Variants in TERT observed in about 807,000 individuals in gnomAD.
TERT encodes the protein telomerase catalytic subunit.
Under a neutral mutation model 104.0 loss-of-function variants are expected in TERT, and 42 were observed. The observed-to-expected ratio is 0.40, with a 90% CI of 0.32 to 0.52. The LOEUF is 0.52. Among genes scored for constraint, TERT ranks in the 20% least tolerant of loss-of-function variants. The pLI, the probability that TERT is intolerant of heterozygous loss-of-function variation, is 0.43. For synonymous variants in TERT, 781 were observed against 725.6 expected, an observed-to-expected ratio of 1.08 and a Z score of -1.23; for missense variants, 1,101 against 1,610.3, an observed-to-expected ratio of 0.68 and a Z score of 5.41.
In TERT at chr5:1,287,354, G is replaced by C. The variant is rs1307775053; in HGVS notation, c.1574-4730C>G. On this transcript the variant is annotated intron_variant, in intron 2 of 15. Transcript: ENST00000310581. The surrounding 1 kb of genome is among the most constrained non-coding windows in gnomAD (Gnocchi z 4.3). ...GTCTCCAGAAAAAATTTAAAAATTA[G>C]CCAGGTGTAGCGGTGCGTGTCTGCA... 6.6e-6 allele frequency among the ~76,000 whole-genome samples: 1 copy of C among 151,936 alleles called. No homozygotes were observed. The highest frequency in any genetic ancestry group is 2.4e-5 in the African/African-American group (1 of 41,350).
At chr5:1,275,451 G>A (rs373115080) in intron 6 of TERT, among the ~76,000 whole-genome samples, 47 of 151,714 alleles carry the variant, frequency 3.1e-4, no homozygotes, top group African/African-American at 8.9e-4. Flanking sequence ...AGGACGGAGC[G>A]TAGCCAGGGC....
Position 1,278,924 on chromosome 5 carries a change from G to A in TERT, c.2131-128C>T, listed in dbSNP as rs903491562. 4 of 1,316,382 alleles carry A rather than the reference G, an allele frequency of 3.0e-6. No individual in the cohort carries two copies. In the African/African-American group the frequency reaches 5.8e-5, roughly 19 times the overall value. 81.5% of individuals were successfully genotyped at this position (1,316,382 alleles called of 1,614,324 possible). A position where few individuals can be genotyped will look rare whatever the true frequency, so the allele number is the denominator to read the frequency against. ...GACCCCCACCACTCCAGACCCCAAG[G>A]GCAGGGCGGGCTGTGTCCCCTCTCT... On this transcript the variant is annotated intron_variant, in intron 5 of 15. Coordinates refer to ENST00000310581, the MANE Select transcript of TERT (RefSeq NM_198253.3).
chr5:1,279,633 G>A (rs1269820418), intron 4 of TERT, among the ~76,000 whole-genome samples, 163 bp from the exon 5 acceptor site: 1 of 152,172 alleles, frequency 6.6e-6, no homozygotes, highest in Non-Finnish European at 1.5e-5. Flanking sequence ...TTTGAAACGG[G>A]TTCCTGGCCG....
At chr5:1,267,246 G>A (rs1026680062) in intron 9 of TERT, among the ~76,000 whole-genome samples, 4 of 152,350 alleles carry the variant, frequency 2.6e-5, no homozygotes, top group Non-Finnish European at 4.4e-5. Context: ...CGGAGTCTTC[G>A]AGAGAAATGG....
In TERT at chr5:1,287,888, A is replaced by G. The variant is rs141396865; in HGVS notation, c.1574-5264T>C. 2.9e-3 allele frequency among the ~76,000 whole-genome samples: 438 copies of G among 152,056 alleles called. 3 individuals carry two copies. The highest frequency in any genetic ancestry group is 0.01 in the African/African-American group (423 of 41,448). On this transcript the variant is annotated intron_variant, in intron 2 of 15. Coordinates refer to ENST00000310581, the MANE Select transcript of TERT (RefSeq NM_198253.3). This position sits in a 1 kb window ranked among gnomAD's most constrained non-coding sequence, Gnocchi z 4.3. ...ACAGGATGTCAAATTTACAATGGAC[A>G]GTTCTGGAAACCATGCACACACTAG...
At position 1,274,427 on chromosome 5, in the gene TERT, A is replaced by G. The variant is rs1348362721; in HGVS notation, c.2287-2147T>C. On this transcript the variant is annotated intron_variant, in intron 6 of 15. Transcript: ENST00000310581. This position sits in a 1 kb window ranked among gnomAD's most constrained non-coding sequence, Gnocchi z 5.3. ...GGCTGCTGAAGCAGGTCTTTAGCACAGGGTCCCCAACCATTGTGGTACCAG... is the reference window on the plus strand; with the variant it reads ...GGCTGCTGAAGCAGGTCTTTAGCACGGGGTCCCCAACCATTGTGGTACCAG... Among the ~76,000 whole-genome samples, 4 of 152,270 alleles carry G rather than the reference A, an allele frequency of 2.6e-5. No homozygotes were observed. Among genetic ancestry groups the G allele is most frequent in the African/African-American group, 9.6e-5 (4 of 41,476 alleles).
At position 1,255,937 on chromosome 5, in the gene TERT, G is replaced by A. The variant is rs1464567827; in HGVS notation, c.3033-526C>T. Among the ~76,000 whole-genome samples the A allele has an allele frequency of 2.0e-5, 3 of 152,006 alleles. No individual in the cohort carries two copies. The highest frequency in any genetic ancestry group is 6.6e-5 in the Admixed American group (1 of 15,260). On this transcript the variant is annotated intron_variant, in intron 13 of 15. Coordinates refer to ENST00000310581, the MANE Select transcript of TERT (RefSeq NM_198253.3). This position sits in a 1 kb window ranked among gnomAD's most constrained non-coding sequence, Gnocchi z 6.9. ...CCCATCATCTCATCTCACTGACACC[G>A]AGACACCGACTTGGCTTCTGTGTGT...
In TERT at chr5:1,295,055, C is replaced by G. The variant is rs2126693734; in HGVS notation, c.-66G>C. On this transcript the variant is annotated 5_prime_UTR_variant, in exon 1 of 16. Coordinates refer to ENST00000310581, the MANE Select transcript of TERT (RefSeq NM_198253.3). The stretch of plus-strand genomic sequence containing the variant: ...AGGACGCAGCGCTGCCTGAAACTCG[C>G]GCCGCGAGGAGAGGGCGGGGCCGCG... 1 of 1,143,596 alleles carries G rather than the reference C, an allele frequency of 8.7e-7. No homozygotes were observed. Among genetic ancestry groups the G allele is most frequent in the African/African-American group, 1.6e-5 (1 of 62,152 alleles). 70.8% of individuals were successfully genotyped at this position (1,143,596 alleles called of 1,614,324 possible).
chr5:1,256,554 C>G lies in TERT; in HGVS notation c.3033-1143G>C, dbSNP rs1045125074. On this transcript the variant is annotated intron_variant, in intron 13 of 15. Coordinates refer to ENST00000310581, the MANE Select transcript of TERT (RefSeq NM_198253.3). This position sits in a 1 kb window ranked among gnomAD's most constrained non-coding sequence, Gnocchi z 7.0. ...GAGCCCCCCGTGTACCTCATCTCAC[C>G]CACTGCCTGAGCCCCCCATGTACCT... Among the ~76,000 whole-genome samples, 2 of 149,820 alleles carry G rather than the reference C, an allele frequency of 1.3e-5. No individual in the cohort carries two copies. Among genetic ancestry groups the G allele is most frequent in the African/African-American group, 4.9e-5 (2 of 40,582 alleles).
At position 1,294,933 on chromosome 5, in the gene TERT, G is replaced by A. The variant is rs2126692614; in HGVS notation, c.57C>T (p.Arg19=). 7.0e-7 allele frequency: 1 copy of A among 1,418,496 alleles called. No homozygotes were observed. Among genetic ancestry groups the A allele is most frequent in the Non-Finnish European group, 9.2e-7 (1 of 1,090,414 alleles). 87.9% of individuals were successfully genotyped at this position (1,418,496 alleles called of 1,614,324 possible). A position where few individuals can be genotyped will look rare whatever the true frequency, so the allele number is the denominator to read the frequency against. ...CGAACGTGGCCAGCGGCAGCACCTC[G>A]CGGTAGTGGCTGCGCAGCAGGGAGC... ...AVRSLLRSHY[R]EVLPLATFVR... The change falls in exon 1 of 16, where the codon CGC becomes CGT. Residue 19 remains arginine, a synonymous_variant. Transcript: ENST00000310581.
intron 6 of TERT, among the ~76,000 whole-genome samples, chr5:1,275,092 C>T (rs1288775076): frequency 2.6e-5 from 4 of 152,170 alleles, no homozygotes; most frequent in African/African-American, 4.8e-5. Context: ...AAGCGAGTCT[C>T]GGCCGGGCGC....
chr5:1,278,417 A>G (rs910172648), intron 6 of TERT, among the ~76,000 whole-genome samples: 11 of 151,606 alleles, frequency 7.3e-5, no homozygotes, highest in African/African-American at 2.7e-4. Context: ...CACCACAGGC[A>G]CACACACCAT....
intron 10 of TERT, 126 bp from the exon 11 acceptor site, chr5:1,264,718 G>A: frequency 8.5e-7 from 1 of 1,170,296 alleles, no homozygotes; most frequent in South Asian, 1.3e-5. Context: ...TGCTGGGCCT[G>A]GCAGGAGCTC....
At chr5:1,281,816 C>A (rs1266899729) in intron 3 of TERT, among the ~76,000 whole-genome samples, 2 of 152,142 alleles carry the variant, frequency 1.3e-5, no homozygotes, top group Non-Finnish European at 2.9e-5. Context: ...GGGCTGGGCA[C>A]GGTGGCTTAG....
At chr5:1,271,333 T>C in intron 7 of TERT, 129 bp from the exon 8 acceptor site, 2 of 737,938 alleles carry the variant, frequency 2.7e-6, no homozygotes, top group Non-Finnish European at 4.9e-6. Context: ...TGGGCTGGAA[T>C]GCAGGGCCAT....
chr5:1,294,926 G>A lies in TERT; in HGVS notation c.64C>T (p.Leu22=), dbSNP rs2126692539. ...SLLRSHYREV[L]PLATFVRRLG... ...CGCCGCACGAACGTGGCCAGCGGCA[G>A]CACCTCGCGGTAGTGGCTGCGCAGC... The change falls in exon 1 of 16, where the codon CTG becomes TTG. Residue 22 remains leucine, a synonymous_variant. Transcript: ENST00000310581. 7 of 1,424,330 alleles carry A rather than the reference G, an allele frequency of 4.9e-6. No homozygotes were observed. The highest frequency in any genetic ancestry group is 6.4e-6 in the Non-Finnish European group (7 of 1,092,944). The allele number at this position is 1,424,330 out of a possible 1,614,324, so 88.2% of individuals were successfully genotyped here. A position where few individuals can be genotyped will look rare whatever the true frequency, so the allele number is the denominator to read the frequency against.
At position 1,280,493 on chromosome 5, in the gene TERT, G is replaced by A. The variant is rs530612448; in HGVS notation, c.1770-155C>T. On this transcript the variant is annotated intron_variant, in intron 3 of 15. Coordinates refer to ENST00000310581, the MANE Select transcript of TERT (RefSeq NM_198253.3). ...CATGCCCGGGGCCACGTCCACCCAT[G>A]CCAGCCAGACGCCTCTGAGAGCCCC... is the stretch of plus-strand genomic sequence containing the variant. Among the ~76,000 whole-genome samples the A allele has an allele frequency of 5.3e-5, 8 of 152,332 alleles. No individual in the cohort carries two copies. In the South Asian group the frequency reaches 1.7e-3, roughly 32 times the overall value.
chr5:1,260,648 A>G, intron 11 of TERT, 48 bp from the exon 12 acceptor site: 2 of 1,610,372 alleles, frequency 1.2e-6, no homozygotes, highest in Non-Finnish European at 1.7e-6. Context: ...CCCCACACCC[A>G]GCCCCCTCCT....
At position 1,261,218 on chromosome 5, in the gene TERT, T is replaced by A. The variant is rs1053759814; in HGVS notation, c.2844-618A>T. ...TGACATCCACGGCAGGCTCCTGGGG[T>A]GTGTTCTTTTACATCCAGCTTTGAA... On this transcript the variant is annotated intron_variant, in intron 11 of 15. Transcript: ENST00000310581. The surrounding 1 kb of genome is among the most constrained non-coding windows in gnomAD (Gnocchi z 7.4). Among the ~76,000 whole-genome samples, 1 of 152,234 alleles carries A rather than the reference T, an allele frequency of 6.6e-6. No homozygotes were observed. Among genetic ancestry groups the A allele is most frequent in the Non-Finnish European group, 1.5e-5 (1 of 68,032 alleles).
Sources: gnomAD v4.1 joint callset for allele counts (sites outside exome capture counted in the v4.1 genomes callset) on GRCh38, gnomAD v4.1.1 for gene constraint, Gnocchi (gnomAD v3.1) non-coding constraint, MANE v1.5 for transcripts, NCBI Gene and HGNC (gene_info 2026-07-23, HGNC 2026-07-21) for gene names.